The following CTNNBL1 variants were observed in gnomAD, a reference collection of about 807,000 sequenced individuals.
The protein encoded by CTNNBL1 is beta-catenin-like protein 1.
Under a neutral mutation model 72.7 loss-of-function variants are expected in CTNNBL1, and 31 were observed. The ratio of observed to expected loss-of-function variants is 0.43; its 90% CI spans 0.32 to 0.58. The LOEUF (loss-of-function observed/expected upper bound fraction) is 0.58. CTNNBL1 is among the 20% of genes least tolerant of loss of function. The probability of loss-of-function intolerance (pLI) is 0.08; values close to 1 mark genes in which losing one functional copy is unlikely to be tolerated. For synonymous variants in CTNNBL1, 240 were observed against 267.3 expected, an observed-to-expected ratio of 0.90 and a Z score of 1.00; for missense variants, 534 against 725.1, an observed-to-expected ratio of 0.74 and a Z score of 3.03.
At chr20:37,795,493 G>C (rs1214228451) in intron 10 of CTNNBL1, among the ~76,000 whole-genome samples, 2 of 152,060 alleles carry the variant, frequency 1.3e-5, no homozygotes, top group Admixed American at 1.3e-4. Context: ...TAGGCTATTT[G>C]AAATTTTCCA....
At chr20:37,870,079 C>T (rs2072570054) in intron 15 of CTNNBL1, among the ~76,000 whole-genome samples, 2 of 151,798 alleles carry the variant, frequency 1.3e-5, no homozygotes, top group African/African-American at 2.4e-5. Flanking sequence ...AAAGAAATGG[C>T]GTCTTAAGGA....
chr20:37,743,800 A>G (rs1456846888), intron 3 of CTNNBL1, among the ~76,000 whole-genome samples: 1 of 152,184 alleles, frequency 6.6e-6, no homozygotes, highest in Non-Finnish European at 1.5e-5. Context: ...TGTGCCCTAT[A>G]TCAATACATT....
chr20:37,845,043 C>CGCT (rs2072335896), intron 13 of CTNNBL1, among the ~76,000 whole-genome samples: 1 of 152,184 alleles, frequency 6.6e-6, no homozygotes, highest in Admixed American at 6.5e-5. Context: ...AAGCTCCCGC[C>CGCT]GCTGCTGCTG....
intron 11 of CTNNBL1, among the ~76,000 whole-genome samples, chr20:37,808,518 C>G (rs536242821): frequency 6.6e-6 from 1 of 152,296 alleles, no homozygotes; most frequent in South Asian, 2.1e-4. Context: ...TGTGACAGAT[C>G]CAGTGGAGAC....
intron 1 of CTNNBL1, among the ~76,000 whole-genome samples, chr20:37,720,514 TA>T (rs986095364): frequency 6.6e-6 from 1 of 151,694 alleles, no homozygotes. Context: ...TTTTTTAAAC[TA>T]AAAAAAAGGT....
intron 5 of CTNNBL1, among the ~76,000 whole-genome samples, chr20:37,760,117 A>G (rs1264133050): frequency 6.6e-6 from 1 of 152,208 alleles, no homozygotes; most frequent in Non-Finnish European, 1.5e-5. Context: ...ACTTACGCAA[A>G]AGGCAAATAT....
At chr20:37,717,315 C>G (rs1263921637) in intron 1 of CTNNBL1, among the ~76,000 whole-genome samples, 1 of 152,236 alleles carries the variant, frequency 6.6e-6, no homozygotes, top group African/African-American at 2.4e-5. Context: ...GGAGACTTCT[C>G]TGTTAACAGG....
At chr20:37,795,053 G>A (rs576744365) in intron 10 of CTNNBL1, among the ~76,000 whole-genome samples, 4 of 150,832 alleles carry the variant, frequency 2.7e-5, no homozygotes, top group Admixed American at 6.6e-5. Context: ...TTTTTTTCAC[G>A]TCTCTGGTGT....
intron 13 of CTNNBL1, among the ~76,000 whole-genome samples, chr20:37,845,708 G>GT (rs2072341720): frequency 6.6e-6 from 1 of 152,190 alleles, no homozygotes; most frequent in Non-Finnish European, 1.5e-5. Context: ...GTTGCAGACA[G>GT]TTTGTCTCCT....
At chr20:37,776,342 C>T (rs1227032931) in intron 7 of CTNNBL1, among the ~76,000 whole-genome samples, 2 of 152,190 alleles carry the variant, frequency 1.3e-5, no homozygotes, top group African/African-American at 2.4e-5. Context: ...AACTCTTCCT[C>T]TTTAAGTATA....
chr20:37,798,397 T>C (rs935598039), intron 10 of CTNNBL1, among the ~76,000 whole-genome samples: 11 of 152,182 alleles, frequency 7.2e-5, no homozygotes, highest in African/African-American at 2.7e-4. Flanking sequence ...TTATAGAGGC[T>C]AGCATTCACA....
chr20:37,696,320 A>G (rs2072790874), intron 1 of CTNNBL1, among the ~76,000 whole-genome samples: 1 of 152,118 alleles, frequency 6.6e-6, no homozygotes, highest in Non-Finnish European at 1.5e-5. Context: ...AGTAGCCACT[A>G]GGCACATGTG....
chr20:37,761,056 G>A (rs555654613), intron 5 of CTNNBL1, among the ~76,000 whole-genome samples: 1 of 152,192 alleles, frequency 6.6e-6, no homozygotes, highest in East Asian at 1.9e-4. Flanking sequence ...AGCTATGAGA[G>A]GGGCAGTGTT....
intron 10 of CTNNBL1, among the ~76,000 whole-genome samples, chr20:37,787,608 T>A (rs1316785998): frequency 6.6e-6 from 1 of 152,236 alleles, no homozygotes; most frequent in African/African-American, 2.4e-5. Flanking sequence ...CCTCCCAAAG[T>A]GCTGGGATTA....
intron 13 of CTNNBL1, among the ~76,000 whole-genome samples, chr20:37,857,264 A>G (rs564729408): frequency 2.6e-5 from 4 of 152,330 alleles, no homozygotes; most frequent in African/African-American, 9.6e-5. Flanking sequence ...CATTAATGCT[A>G]TTACCAGATT....
chr20:37,810,347 G>T (rs138038263), intron 11 of CTNNBL1, among the ~76,000 whole-genome samples: 1 of 152,134 alleles, frequency 6.6e-6, no homozygotes, highest in Non-Finnish European at 1.5e-5. Flanking sequence ...CAACCTTCTC[G>T]CAGTAACTAA....
At chr20:37,711,546 A>G (rs1352267279) in intron 1 of CTNNBL1, among the ~76,000 whole-genome samples, 1 of 149,450 alleles carries the variant, frequency 6.7e-6, no homozygotes, top group Non-Finnish European at 1.5e-5. Context: ...AAGACAGACA[A>G]TGAATAACAA....
At chr20:37,810,610 A>T (rs570065252) in intron 11 of CTNNBL1, among the ~76,000 whole-genome samples, 1 of 152,216 alleles carries the variant, frequency 6.6e-6, no homozygotes, top group East Asian at 1.9e-4. Flanking sequence ...ATAAATGTTC[A>T]TTAGTGGTTG....
At chr20:37,697,429 A>G (rs2072803113) in intron 1 of CTNNBL1, among the ~76,000 whole-genome samples, 1 of 152,194 alleles carries the variant, frequency 6.6e-6, no homozygotes, top group Non-Finnish European at 1.5e-5. Flanking sequence ...AAGTATGGAC[A>G]TAGGCTATTG....
Sources: allele counts gnomAD v4.1 joint callset (sites outside exome capture counted in the v4.1 genomes callset), GRCh38; gene constraint gnomAD v4.1.1; transcripts MANE v1.5; gene names NCBI Gene and HGNC (gene_info 2026-07-23, HGNC 2026-07-21).